The following UBL3 variants were observed in gnomAD, a reference collection of about 807,000 sequenced individuals.
UBL3 encodes the protein ubiquitin-like protein 3.
Under a neutral mutation model 18.4 loss-of-function variants are expected in UBL3, and 6 were observed. The ratio of observed to expected loss-of-function variants is 0.33; its 90% CI spans 0.18 to 0.64. UBL3 has a LOEUF of 0.64. UBL3 is among the 30% of genes least tolerant of loss of function. UBL3 has a pLI of 0.76. For missense variants in UBL3, 109 were observed against 142.9 expected (o/e 0.76, Z 1.21); for synonymous variants, 49 against 46.6 (o/e 1.05, Z -0.21).
At chr13:29,792,616 A>G (rs1378521839) in intron 1 of UBL3, among the ~76,000 whole-genome samples, 3 of 152,204 alleles carry the variant, frequency 2.0e-5, no homozygotes, top group Admixed American at 2.0e-4. Context: ...ACTGTCACTT[A>G]GTGGTGCCCC....
chr13:29,831,701 A>C (rs59191836), intron 1 of UBL3, among the ~76,000 whole-genome samples: 4,703 of 151,116 alleles, frequency 0.031, 245 homozygotes, highest in African/African-American at 0.11. Context: ...CAGCTTACTT[A>C]ATGATAGAAA....
At chr13:29,804,063 C>A (rs1877840283) in intron 1 of UBL3, among the ~76,000 whole-genome samples, 1 of 150,626 alleles carries the variant, frequency 6.6e-6, no homozygotes, top group African/African-American at 2.4e-5. Context: ...CACAATCAGC[C>A]ATAAGACAAT....
At chr13:29,809,795 C>T (rs1463738483) in intron 1 of UBL3, among the ~76,000 whole-genome samples, 2 of 152,104 alleles carry the variant, frequency 1.3e-5, no homozygotes, top group Non-Finnish European at 2.9e-5. Context: ...AAACCAAGGA[C>T]GCTCTGGTTC....
At chr13:29,827,155 T>C (rs989594194) in intron 1 of UBL3, among the ~76,000 whole-genome samples, 1 of 152,242 alleles carries the variant, frequency 6.6e-6, no homozygotes, top group East Asian at 1.9e-4. Flanking sequence ...GAAGAATGTA[T>C]ATTCTGCTGA....
chr13:29,837,741 C>CA (rs1291618248), intron 1 of UBL3, among the ~76,000 whole-genome samples: 1 of 151,750 alleles, frequency 6.6e-6, no homozygotes, highest in Non-Finnish European at 1.5e-5. Context: ...AACAGCCTGG[C>CA]CAATACGGCA....
At chr13:29,827,493 G>T (rs1172085680) in intron 1 of UBL3, among the ~76,000 whole-genome samples, 1 of 152,164 alleles carries the variant, frequency 6.6e-6, no homozygotes, top group Non-Finnish European at 1.5e-5. Flanking sequence ...CAGAGACTAG[G>T]ATTGCAACCC....
In UBL3 at chr13:29,766,448, T is replaced by C. The variant is rs1058650; in HGVS notation, c.*807A>G. ...GATCAATGAGGTTTTCTAATATTTC[T>C]GCACAATAATGAAAGCCGATGAGTG... is the stretch of plus-strand genomic sequence containing the variant. On this transcript the variant is annotated 3_prime_UTR_variant, in exon 5 of 5. Transcript: ENST00000380680. 40,512 of 152,436 alleles carry C rather than the reference T, an allele frequency of 0.27. 5,455 individuals are homozygous for C. Among genetic ancestry groups the C allele is most frequent in the East Asian group, 0.42 (2,160 of 5,170 alleles). The allele number at this position is 152,436 out of a possible 1,614,324, so 9.4% of individuals were successfully genotyped here. A position where few individuals can be genotyped will look rare whatever the true frequency, so the allele number is the denominator to read the frequency against.
At chr13:29,842,129 T>C (rs1374399334) in intron 1 of UBL3, among the ~76,000 whole-genome samples, 1 of 74,674 alleles carries the variant, frequency 1.3e-5, no homozygotes, top group East Asian at 4.0e-4. Flanking sequence ...CCTCCCATTC[T>C]CTTTCTTTTT....
chr13:29,817,944 T>C (rs1878327074), intron 1 of UBL3, among the ~76,000 whole-genome samples: 1 of 152,214 alleles, frequency 6.6e-6, no homozygotes. Context: ...TAACTTATAC[T>C]AGCCTGAACT....
At position 29,809,581 on chromosome 13, in the gene UBL3, C is replaced by T. The variant is rs1306401539; in HGVS notation, c.28-32318G>A. Among the ~76,000 whole-genome samples, 4 of 152,052 alleles carry T rather than the reference C, an allele frequency of 2.6e-5. No individual in the cohort carries two copies. The East Asian group carries it at 5.8e-4, about 22-fold the overall frequency. On this transcript the variant is annotated intron_variant, in intron 1 of 4. Coordinates refer to ENST00000380680, the MANE Select transcript of UBL3 (RefSeq NM_007106.4). ...ACTGAAGGTCATCATGGCTGTTGTACGGATAGAGCATTCTTTCCTTAGGAA... is the reference window on the plus strand; with the variant it reads ...ACTGAAGGTCATCATGGCTGTTGTATGGATAGAGCATTCTTTCCTTAGGAA...
intron 1 of UBL3, among the ~76,000 whole-genome samples, chr13:29,836,471 T>C (rs1363527126): frequency 1.3e-5 from 2 of 151,894 alleles, no homozygotes; most frequent in Non-Finnish European, 2.9e-5. Context: ...AAAACAACTA[T>C]AAAAGTGATA....
chr13:29,824,248 G>A (rs1183237790), intron 1 of UBL3, among the ~76,000 whole-genome samples: 1 of 152,148 alleles, frequency 6.6e-6, no homozygotes, highest in Non-Finnish European at 1.5e-5. Flanking sequence ...GGGTCAAATG[G>A]TATTTCTAGT....
intron 1 of UBL3, 199 bp from the exon 2 acceptor site, chr13:29,777,462 T>G: frequency 4.4e-6 from 3 of 676,752 alleles, no homozygotes; most frequent in South Asian, 1.4e-5. Context: ...TTAAAGGGTG[T>G]GTGTGTGTGT....
At chr13:29,802,505 C>A (rs1164168160) in intron 1 of UBL3, among the ~76,000 whole-genome samples, 1 of 152,152 alleles carries the variant, frequency 6.6e-6, no homozygotes, top group Non-Finnish European at 1.5e-5. Flanking sequence ...AATAGAGATA[C>A]AAATGAAGAT....
At chr13:29,839,677 C>T (rs1879045246) in intron 1 of UBL3, among the ~76,000 whole-genome samples, 1 of 152,116 alleles carries the variant, frequency 6.6e-6, no homozygotes, top group South Asian at 2.1e-4. Flanking sequence ...CCTGTAATCC[C>T]AGCACTTTGG....
rs1465428458 is a variant in UBL3, at chr13:29,814,590, T to TCCA, written c.27+34921_27+34922insTGG. On this transcript the variant is annotated intron_variant, in intron 1 of 4. Transcript: ENST00000380680. ...ACCCACTCTTTTCCAAGCACTGTAA[T>TCCA]AGGCCCAAGATGTAAGGGCCTATTA... Among the ~76,000 whole-genome samples, 1,372 of 152,242 alleles carry TCCA rather than the reference T, an allele frequency of 9.0e-3. 20 individuals are homozygous for TCCA. The highest frequency in any genetic ancestry group is 0.032 in the African/African-American group (1,315 of 41,560).
intron 1 of UBL3, among the ~76,000 whole-genome samples, chr13:29,798,273 A>C (rs966521211): frequency 6.6e-6 from 1 of 151,938 alleles, no homozygotes; most frequent in African/African-American, 2.4e-5. Flanking sequence ...TGATCCGACC[A>C]CCTCAGCCTC....
intron 1 of UBL3, among the ~76,000 whole-genome samples, chr13:29,804,617 C>T (rs1877854620): frequency 1.3e-5 from 2 of 151,998 alleles, no homozygotes; most frequent in African/African-American, 4.8e-5. Flanking sequence ...AAGGGAGCAT[C>T]ACCACTGACC....
At chr13:29,807,626 A>G (rs949259136) in intron 1 of UBL3, among the ~76,000 whole-genome samples, 9 of 152,200 alleles carry the variant, frequency 5.9e-5, no homozygotes, top group Admixed American at 2.0e-4. Context: ...AGTATGACTT[A>G]ATCTAATAAC....
Sources: gnomAD v4.1 joint callset for allele counts (sites outside exome capture counted in the v4.1 genomes callset) on GRCh38, gnomAD v4.1.1 for gene constraint, MANE v1.5 for transcripts, NCBI Gene and HGNC (gene_info 2026-07-23, HGNC 2026-07-21) for gene names.